Variants in SLC19A3 observed in about 807,000 individuals in gnomAD.
SLC19A3 encodes the protein solute carrier family 19 member 3.
In SLC19A3, 31 loss-of-function variants were observed where a neutral mutation model predicts 40.2. The ratio of observed to expected loss-of-function variants is 0.77; its 90% CI spans 0.58 to 1.04. The LOEUF is 1.04. SLC19A3 is among the 50% of genes least tolerant of loss of function. The pLI is 0.00. For missense variants in SLC19A3, 592 were observed against 596.7 expected (o/e 0.99, Z 0.08); for synonymous variants, 212 against 227.5 (o/e 0.93, Z 0.61).
intron 1 of SLC19A3, among the ~76,000 whole-genome samples, chr2:227,713,826 A>G (rs1484352072): frequency 3.9e-5 from 6 of 152,204 alleles, no homozygotes; most frequent in Admixed American, 3.9e-4. Flanking sequence ...AATCACTGAT[A>G]CACGGAAGAA....
intron 1 of SLC19A3, among the ~76,000 whole-genome samples, chr2:227,705,804 T>C (rs1695911741): frequency 6.6e-6 from 1 of 152,158 alleles, no homozygotes; most frequent in African/African-American, 2.4e-5. Flanking sequence ...CAAACCACCA[T>C]GGCAAACGTT....
intron 3 of SLC19A3, 51 bp downstream of exon 3, chr2:227,698,685 G>T: frequency 6.7e-7 from 1 of 1,491,850 alleles, no homozygotes; most frequent in South Asian, 1.1e-5. Context: ...CTGGAGGAAT[G>T]GACTTAAGCG....
chr2:227,705,410 G>A (rs1036246542), intron 1 of SLC19A3, among the ~76,000 whole-genome samples: 1 of 149,078 alleles, frequency 6.7e-6, no homozygotes, highest in East Asian at 2.0e-4. Flanking sequence ...AGACCAGCCT[G>A]GACAACATAG....
In SLC19A3 at chr2:227,685,776, T is replaced by C. The variant is rs1263281206; in HGVS notation, c.*1621A>G. ...GTCAGACTGCTCAATGCATCCCTTATTGAAGTTTCTTGAAGTTTCGAAAAA... is the reference window on the plus strand; with the variant it reads ...GTCAGACTGCTCAATGCATCCCTTACTGAAGTTTCTTGAAGTTTCGAAAAA... On this transcript the variant is annotated 3_prime_UTR_variant, in exon 6 of 6. Coordinates refer to ENST00000644224, the MANE Select transcript of SLC19A3 (RefSeq NM_025243.4). The C allele has an allele frequency of 1.3e-5, 2 of 157,254 alleles. No homozygotes were observed. Among genetic ancestry groups the C allele is most frequent in the Non-Finnish European group, 2.8e-5 (2 of 71,216 alleles). The allele number at this position is 157,254 out of a possible 1,614,324, so 9.7% of individuals were successfully genotyped here. A position where few individuals can be genotyped will look rare whatever the true frequency, so the allele number is the denominator to read the frequency against.
Position 227,684,193 on chromosome 2 carries a change from T to C in SLC19A3, c.*3204A>G, listed in dbSNP as rs926644544. On this transcript the variant is annotated 3_prime_UTR_variant, in exon 6 of 6. Coordinates refer to ENST00000644224, the MANE Select transcript of SLC19A3 (RefSeq NM_025243.4). ...AATGCTGAGTTGCTGCGTTCATTAT[T>C]ATTTTGGTGCTTGACTTTTTTCCAC... 3 of 152,260 alleles carry C rather than the reference T, an allele frequency of 2.0e-5. No homozygotes were observed. Among genetic ancestry groups the C allele is most frequent in the African/African-American group, 7.2e-5 (3 of 41,470 alleles). 9.4% of individuals were successfully genotyped at this position (152,260 alleles called of 1,614,324 possible).
rs1694973092 is a variant in SLC19A3 at position 227,685,256 on chromosome 2, A to C, written c.*2141T>G. The stretch of plus-strand genomic sequence containing the variant: ...TAATTAGCTCACAGGCTATATAGGA[A>C]GCGTGGCAACATCTGCTTCTAGGGA... On this transcript the variant is annotated 3_prime_UTR_variant, in exon 6 of 6. Transcript: ENST00000644224. 1 of 152,210 alleles carries C rather than the reference A, an allele frequency of 6.6e-6. No homozygotes were observed. The highest frequency in any genetic ancestry group is 2.1e-4 in the South Asian group (1 of 4,828). The allele number at this position is 152,210 out of a possible 1,614,324, so 9.4% of individuals were successfully genotyped here. A position where few individuals can be genotyped will look rare whatever the true frequency, so the allele number is the denominator to read the frequency against.
chr2:227,702,673 T>G, intron 1 of SLC19A3: 1 of 274,856 alleles, frequency 3.6e-6, no homozygotes, highest in South Asian at 4.1e-5. Context: ...TAAAGCCCAA[T>G]AGAGGATCTC....
intron 3 of SLC19A3, among the ~76,000 whole-genome samples, chr2:227,697,717 A>G (rs1208525377): frequency 6.6e-6 from 1 of 152,236 alleles, no homozygotes; most frequent in Admixed American, 6.5e-5. Context: ...TGTGCTAATG[A>G]TGAATTGGAA....
chr2:227,710,869 AG>A (rs1696113424), intron 1 of SLC19A3, among the ~76,000 whole-genome samples: 1 of 152,212 alleles, frequency 6.6e-6, no homozygotes, highest in South Asian at 2.1e-4. Flanking sequence ...GCCCTTCCCT[AG>A]ACAGAGCAAA....
At chr2:227,713,989 G>A (rs1464722066) in intron 1 of SLC19A3, among the ~76,000 whole-genome samples, 1 of 151,166 alleles carries the variant, frequency 6.6e-6, no homozygotes, top group Non-Finnish European at 1.5e-5. Context: ...GTGGGGGTGG[G>A]TAAGAATTGA....
Position 227,698,744 on chromosome 2 carries a change from G to C in SLC19A3, c.971C>G (p.Thr324Ser), listed in dbSNP as rs933274402. ...AAGTGACATTTGCTTACCTCCAAAG[G>C]TTGCAATAGCTTCTACGGCCCCATT... ...IYNGAVEAIATFGGAVAAFAV... is the reference protein window; with the variant it reads ...IYNGAVEAIASFGGAVAAFAV... Residue 324 changes from threonine to serine, a missense_variant, in exon 3 of 6, where the codon ACC (threonine) becomes AGC (serine). Thr to Ser is a moderately conservative substitution (Grantham distance 58). Coordinates refer to ENST00000644224, the MANE Select transcript of SLC19A3 (RefSeq NM_025243.4). 6.2e-7 allele frequency: 1 copy of C among 1,613,304 alleles called. No individual in the cohort carries two copies. Among genetic ancestry groups the C allele is most frequent in the Non-Finnish European group, 8.5e-7 (1 of 1,179,698 alleles).
rs543562861 is a variant in SLC19A3, at chr2:227,689,582, G to A, written c.1173-1275C>T. Among the ~76,000 whole-genome samples, 19 of 152,238 alleles carry A rather than the reference G, an allele frequency of 1.2e-4. No homozygotes were observed. In the East Asian group the frequency reaches 2.1e-3, roughly 17 times the overall value. ...AAGCTGAGGGATTTCATCAACACCAGACCTGTCCTACAAGAAATGCTGAAG... is the reference window on the plus strand; with the variant it reads ...AAGCTGAGGGATTTCATCAACACCAAACCTGTCCTACAAGAAATGCTGAAG... On this transcript the variant is annotated intron_variant, in intron 4 of 5. Coordinates refer to ENST00000644224, the MANE Select transcript of SLC19A3 (RefSeq NM_025243.4).
chr2:227,709,066 C>G (rs1696051277), intron 1 of SLC19A3, among the ~76,000 whole-genome samples: 1 of 152,178 alleles, frequency 6.6e-6, no homozygotes, highest in Admixed American at 6.5e-5. Flanking sequence ...TGTCCTATTT[C>G]CTAATCCATA....
At chr2:227,709,807 G>T (rs940298148) in intron 1 of SLC19A3, among the ~76,000 whole-genome samples, 1 of 152,122 alleles carries the variant, frequency 6.6e-6, no homozygotes, top group African/African-American at 2.4e-5. Context: ...CGTCCATGTT[G>T]TACTGACAAT....
intron 2 of SLC19A3, among the ~76,000 whole-genome samples, chr2:227,699,831 T>C (rs373947039): frequency 6.6e-6 from 1 of 152,326 alleles, no homozygotes; most frequent in East Asian, 1.9e-4. Context: ...AGATAGTATG[T>C]ACAGTTGAGT....
At chr2:227,695,539 C>T (rs1207866939) in intron 4 of SLC19A3, 3 of 268,814 alleles carry the variant, frequency 1.1e-5, no homozygotes, top group East Asian at 9.7e-5. Flanking sequence ...GAAGTCAAGG[C>T]TGCATTGAGT....
chr2:227,700,026 C>T (rs987947742), intron 2 of SLC19A3, among the ~76,000 whole-genome samples: 2 of 151,748 alleles, frequency 1.3e-5, no homozygotes, highest in Admixed American at 6.6e-5. Context: ...TACAGGCACC[C>T]GCCATCATGC....
At chr2:227,694,060 A>C (rs1012839453) in intron 4 of SLC19A3, among the ~76,000 whole-genome samples, 2 of 152,204 alleles carry the variant, frequency 1.3e-5, no homozygotes, top group Non-Finnish European at 2.9e-5. Context: ...CCAAAAAACA[A>C]GCAATAAATG....
chr2:227,698,396 C>A (rs1182404218), intron 3 of SLC19A3, among the ~76,000 whole-genome samples: 1 of 151,952 alleles, frequency 6.6e-6, no homozygotes, highest in Admixed American at 6.5e-5. Flanking sequence ...CTCCTGTCCT[C>A]GTGATTCGCC....
Sources: gnomAD v4.1 joint callset for allele counts (sites outside exome capture counted in the v4.1 genomes callset) on GRCh38, gnomAD v4.1.1 for gene constraint, MANE v1.5 for transcripts, NCBI Gene and HGNC (gene_info 2026-07-23, HGNC 2026-07-21) for gene names.